Variants in CEP112 observed in about 807,000 individuals in gnomAD.
The protein encoded by CEP112 is centrosomal protein 112.
In CEP112, 127 loss-of-function variants were observed where a neutral mutation model predicts 153.0. That is an observed-to-expected ratio of 0.83 (90% confidence interval 0.72 to 0.96). The LOEUF is 0.96. Among genes scored for constraint, CEP112 ranks in the 40% least tolerant of loss-of-function variants. The pLI is 0.00. For missense variants in CEP112, 1,089 were observed against 1,101.2 expected, an observed-to-expected ratio of 0.99 and a Z score of 0.16; for synonymous variants, 358 against 374.4, an observed-to-expected ratio of 0.96 and a Z score of 0.51.
In CEP112 at chr17:66,119,191, CAG is replaced by C. The variant is rs1491147051; in HGVS notation, c.642+10553_642+10554del. ...GGGAACAACACACACTGGGGCCTGT[CAG>C]GGGAGGCTAGAGGGTTGTGGGGAGA... On this transcript the variant is annotated intron_variant, in intron 6 of 26. Transcript: ENST00000535342. 2.0e-5 allele frequency among the ~76,000 whole-genome samples: 3 copies of C among 152,030 alleles called. No individual in the cohort carries two copies. The East Asian group carries it at 5.8e-4, about 29-fold the overall frequency.
At chr17:65,852,105 A>G in intron 20 of CEP112, 71 bp from the exon 21 acceptor site, 1 of 971,410 alleles carries the variant, frequency 1.0e-6, no homozygotes, top group Non-Finnish European at 1.5e-6. Context: ...ACCAATGGGC[A>G]AAAGGCCAAT....
intron 4 of CEP112, among the ~76,000 whole-genome samples, chr17:66,152,665 T>C (rs967387614): frequency 2.6e-5 from 4 of 152,140 alleles, no homozygotes; most frequent in East Asian, 3.9e-4. Context: ...CAGATCCCCT[T>C]AAAAAGATTA....
intron 24 of CEP112, among the ~76,000 whole-genome samples, chr17:65,648,644 G>A (rs941464473): frequency 4.6e-5 from 7 of 152,170 alleles, no homozygotes; most frequent in African/African-American, 1.4e-4. Context: ...CAAAGGGTCC[G>A]TAGAGATAAA....
intron 16 of CEP112, among the ~76,000 whole-genome samples, chr17:66,008,584 T>A (rs1393051683): frequency 6.6e-6 from 1 of 152,082 alleles, no homozygotes. Context: ...TGCCCTCAAG[T>A]GAACCTCCCT....
chr17:65,978,408 G>A (rs113266520), intron 17 of CEP112, among the ~76,000 whole-genome samples: 31 of 152,318 alleles, frequency 2.0e-4, no homozygotes, highest in African/African-American at 6.0e-4. Context: ...AGTAGGACTC[G>A]GTGTGCCCCG....
intron 4 of CEP112, among the ~76,000 whole-genome samples, chr17:66,149,494 T>G (rs985060896): frequency 6.6e-6 from 1 of 152,226 alleles, no homozygotes; most frequent in Non-Finnish European, 1.5e-5. Flanking sequence ...TTTTGATTAT[T>G]GATTCAATCT....
chr17:65,729,195 A>G (rs1010643511), intron 23 of CEP112, among the ~76,000 whole-genome samples: 1 of 152,134 alleles, frequency 6.6e-6, no homozygotes, highest in Non-Finnish European at 1.5e-5. Flanking sequence ...GTTAAAAATA[A>G]GACAAAAACA....
chr17:66,005,861 C>A, intron 16 of CEP112, 92 bp from the exon 17 acceptor site: 2 of 1,065,140 alleles, frequency 1.9e-6, no homozygotes, highest in East Asian at 2.6e-5. Context: ...ATCACAAATC[C>A]ATTTTTAATA....
At chr17:65,685,347 A>G (rs2047726827) in intron 24 of CEP112, among the ~76,000 whole-genome samples, 1 of 152,252 alleles carries the variant, frequency 6.6e-6, no homozygotes, top group South Asian at 2.1e-4. Flanking sequence ...AACCATTTAA[A>G]CATTTTTAAA....
In CEP112 at chr17:66,066,765, A is replaced by T; in HGVS notation, c.955+13T>A. On this transcript the variant is annotated intron_variant, in intron 10 of 26. Coordinates refer to ENST00000535342, the MANE Select transcript of CEP112 (RefSeq NM_001199165.4). The stretch of plus-strand genomic sequence containing the variant: ...AATGTTATTAAAAGATGTATGTAAC[A>T]ACACAACATCACCTTTCTTTTCAAG... 6.8e-7 allele frequency: 1 copy of T among 1,462,582 alleles called. No individual in the cohort carries two copies. The highest frequency in any genetic ancestry group is 9.1e-7 in the Non-Finnish European group (1 of 1,093,566). 90.6% of individuals were successfully genotyped at this position (1,462,582 alleles called of 1,614,324 possible).
At chr17:66,121,296 C>A (rs992210940) in intron 6 of CEP112, among the ~76,000 whole-genome samples, 1 of 151,056 alleles carries the variant, frequency 6.6e-6, no homozygotes, top group African/African-American at 2.4e-5. Context: ...AAAAAGATTT[C>A]TCTTTGTTTC....
chr17:65,795,829 A>AAATG (rs1403436491), intron 21 of CEP112, among the ~76,000 whole-genome samples: 17 of 152,216 alleles, frequency 1.1e-4, no homozygotes, highest in South Asian at 4.2e-4. Flanking sequence ...ATAAATAAAT[A>AAATG]AATAATAAAA....
intron 6 of CEP112, among the ~76,000 whole-genome samples, chr17:66,108,210 T>TACTAAAA: frequency 6.6e-6 from 1 of 152,036 alleles, no homozygotes; most frequent in Non-Finnish European, 1.5e-5. Context: ...AAGAAAACAC[T>TACTAAAA]GGGGAAACTC....
At chr17:65,718,169 G>A (rs2049650409) in intron 23 of CEP112, among the ~76,000 whole-genome samples, 1 of 152,108 alleles carries the variant, frequency 6.6e-6, no homozygotes, top group South Asian at 2.1e-4. Flanking sequence ...TTTTTGCGAG[G>A]CTGAGGCAGA....
In CEP112 at chr17:65,658,326, G is replaced by T. The variant is rs143409440; in HGVS notation, c.2698-17261C>A. 1.2e-4 allele frequency among the ~76,000 whole-genome samples: 19 copies of T among 152,362 alleles called. No homozygotes were observed. In the East Asian group the frequency reaches 3.5e-3, roughly 28 times the overall value. Reference sequence around the variant, plus strand: ...GGATTCAGGGGGGCAGCTGGGAGCTGCTGGAGTGATCTAGGAAAGTGAGGA... The same window carrying T: ...GGATTCAGGGGGGCAGCTGGGAGCTTCTGGAGTGATCTAGGAAAGTGAGGA... On this transcript the variant is annotated intron_variant, in intron 24 of 26. Transcript: ENST00000535342.
At chr17:65,990,190 T>G (rs936655468) in intron 17 of CEP112, among the ~76,000 whole-genome samples, 1 of 152,332 alleles carries the variant, frequency 6.6e-6, no homozygotes, top group South Asian at 2.1e-4. Context: ...TGAATGTTAA[T>G]GAACTCAATT....
At chr17:66,018,717 A>G (rs1402999607) in intron 16 of CEP112, among the ~76,000 whole-genome samples, 1 of 152,204 alleles carries the variant, frequency 6.6e-6, no homozygotes, top group Non-Finnish European at 1.5e-5. Context: ...ATTGCTAGGC[A>G]TTGGAATAAC....
At chr17:66,089,046 C>T (rs1000607333) in intron 8 of CEP112, among the ~76,000 whole-genome samples, 1 of 152,134 alleles carries the variant, frequency 6.6e-6, no homozygotes, top group African/African-American at 2.4e-5. Context: ...AACACATCTA[C>T]CCAGTGGATC....
At chr17:65,647,516 T>C (rs1215353731) in intron 24 of CEP112, among the ~76,000 whole-genome samples, 1 of 144,962 alleles carries the variant, frequency 6.9e-6, no homozygotes, top group Non-Finnish European at 1.5e-5. Flanking sequence ...TGCTCTGTTA[T>C]CTAGGCTGGA....
Sources: gnomAD v4.1 joint callset for allele counts (sites outside exome capture counted in the v4.1 genomes callset) on GRCh38, gnomAD v4.1.1 for gene constraint, MANE v1.5 for transcripts, NCBI Gene and HGNC (gene_info 2026-07-23, HGNC 2026-07-21) for gene names.